PRSS23: variants seen among roughly 807,000 people sequenced by gnomAD.
The protein encoded by PRSS23 is protease, serine 23.
A neutral mutation model predicts 34.7 loss-of-function variants in PRSS23; 25 were observed. The ratio of observed to expected loss-of-function variants is 0.72; its 90% CI spans 0.53 to 1.01. The LOEUF (loss-of-function observed/expected upper bound fraction) is 1.01, where lower values mean the gene tolerates loss of function less well. Among genes scored for constraint, PRSS23 ranks in the 50% least tolerant of loss-of-function variants. The pLI is 0.00. For synonymous variants in PRSS23, 176 were observed against 186.6 expected, an observed-to-expected ratio of 0.94 and a Z score of 0.46; for missense variants, 445 against 475.6, an observed-to-expected ratio of 0.94 and a Z score of 0.60.
chr11:86,945,364 C>CAAA lies in PRSS23; in HGVS notation c.207-5840_207-5838dup, dbSNP rs58204343. 6.3e-3 allele frequency among the ~76,000 whole-genome samples: 835 copies of CAAA among 133,214 alleles called. 4 individuals are homozygous for CAAA. Among genetic ancestry groups the CAAA allele is most frequent in the African/African-American group, 0.021 (791 of 36,792 alleles). 87.4% of individuals were successfully genotyped at this position (133,214 alleles called of 152,430 possible). A position where few individuals can be genotyped will look rare whatever the true frequency, so the allele number is the denominator to read the frequency against. On this transcript the variant is annotated intron_variant, in intron 2 of 2. Coordinates refer to the PRSS23 transcript ENST00000533902. ...AGACAGCCATATGCACTGAAAATGC[C>CAAA]AAAAAAAAAAAAAAGAGGTGTCATT...
chr11:86,812,971 A>G (rs778014561), downstream of PRSS23, among the ~76,000 whole-genome samples: 14 of 151,970 alleles, frequency 9.2e-5, no homozygotes, highest in Non-Finnish European at 1.9e-4. Flanking sequence ...AAACCCTCCT[A>G]TATGATTTAA....
rs1949198495 is a variant in PRSS23 at position 86,940,294 on chromosome 11, T to C, written c.207-10922T>C. ...CGTTATTTATCTTTAGTTTGCAACGTAGGGGTGTGCTGTATCGGGTGTGCA... is the reference window on the plus strand; with the variant it reads ...CGTTATTTATCTTTAGTTTGCAACGCAGGGGTGTGCTGTATCGGGTGTGCA... On this transcript the variant is annotated intron_variant, in intron 2 of 2. Transcript: ENST00000533902. Among the ~76,000 whole-genome samples the C allele has an allele frequency of 3.3e-5, 5 of 152,298 alleles. No homozygotes were observed. In the South Asian group the frequency reaches 1.0e-3, roughly 32 times the overall value.
At chr11:86,880,746 T>G (rs908869854) in intron 2 of PRSS23, among the ~76,000 whole-genome samples, 27 of 152,170 alleles carry the variant, frequency 1.8e-4, no homozygotes, top group Non-Finnish European at 3.2e-4. Flanking sequence ...ACATGCAGCA[T>G]TTGGTTTTCT....
intron 2 of PRSS23, among the ~76,000 whole-genome samples, chr11:86,932,100 G>A (rs1949130067): frequency 6.6e-6 from 1 of 152,148 alleles, no homozygotes; most frequent in African/African-American, 2.4e-5. Flanking sequence ...CAGTCCCATT[G>A]TTTGCAATGA....
chr11:86,894,166 AC>A (rs770058537), intron 2 of PRSS23, among the ~76,000 whole-genome samples: 8 of 152,170 alleles, frequency 5.3e-5, no homozygotes, highest in Admixed American at 1.3e-4. Flanking sequence ...GACATGTGCC[AC>A]CACGCCTGGC....
chr11:86,902,035 A>G (rs945022893), intron 2 of PRSS23, among the ~76,000 whole-genome samples: 2 of 152,110 alleles, frequency 1.3e-5, no homozygotes, highest in Admixed American at 6.6e-5. Flanking sequence ...CCTGGAGCCT[A>G]GAATGGTGCT....
At chr11:86,951,297 C>T (rs752990226) in exon 3 of PRSS23, 2 of 1,614,120 alleles carry the variant, frequency 1.2e-6, no homozygotes, top group South Asian at 2.2e-5. Flanking sequence ...GTGATGCCCA[C>T]CAACAAAGAC....
intron 2 of PRSS23, among the ~76,000 whole-genome samples, chr11:86,931,965 A>G (rs937270646): frequency 6.6e-6 from 1 of 152,196 alleles, no homozygotes; most frequent in Admixed American, 6.5e-5. Flanking sequence ...GCAAACAATA[A>G]AACTTCATGC....
intron 2 of PRSS23, chr11:86,937,424 C>CTT (rs1295699599): frequency 6.6e-6 from 1 of 152,240 alleles, no homozygotes; most frequent in East Asian, 1.9e-4. Flanking sequence ...TAAAATAAGG[C>CTT]TGAGACCTAC....
chr11:86,794,858 C>A (rs1248119964), intron 1 of PRSS23, among the ~76,000 whole-genome samples: 14 of 151,290 alleles, frequency 9.3e-5, no homozygotes, highest in Non-Finnish European at 1.9e-4. Context: ...GTGATTTTGC[C>A]CTAAAAAAAC....
intron 2 of PRSS23, among the ~76,000 whole-genome samples, chr11:86,881,542 T>C (rs1349935964): frequency 6.6e-6 from 1 of 152,212 alleles, no homozygotes; most frequent in African/African-American, 2.4e-5. Context: ...TCATAAGAGA[T>C]ACTGCTCTAT....
At position 86,891,175 on chromosome 11, in the gene PRSS23, A is replaced by G. The variant is rs562642607; in HGVS notation, c.207-60041A>G. On this transcript the variant is annotated intron_variant, in intron 2 of 2. Coordinates refer to the PRSS23 transcript ENST00000533902. ...AGACATTTACAGCCGGCTCTCCACC[A>G]CTGGACTGAAGCAGAACAGCGAGGT... Among the ~76,000 whole-genome samples the G allele has an allele frequency of 2.6e-5, 4 of 152,258 alleles. No homozygotes were observed. In the East Asian group the frequency reaches 7.7e-4, roughly 29 times the overall value.
chr11:86,873,189 C>CAT (rs1284083832), intron 2 of PRSS23, among the ~76,000 whole-genome samples: 5 of 140,910 alleles, frequency 3.5e-5, no homozygotes, highest in Non-Finnish European at 6.0e-5. Context: ...TATATATATA[C>CAT]ATATATATAC....
At chr11:86,837,350 G>A (rs1374747932) in intron 2 of PRSS23, 1 of 152,238 alleles carries the variant, frequency 6.6e-6, no homozygotes, top group Non-Finnish European at 1.5e-5. Flanking sequence ...ATTTCCAGAT[G>A]CCAGTTATGT....
At chr11:86,929,826 T>C (rs1949111500) in intron 2 of PRSS23, among the ~76,000 whole-genome samples, 1 of 152,180 alleles carries the variant, frequency 6.6e-6, no homozygotes, top group Non-Finnish European at 1.5e-5. Flanking sequence ...AGATCATTTA[T>C]AGAGTGGACC....
chr11:86,914,716 C>T (rs1036606625), intron 2 of PRSS23, among the ~76,000 whole-genome samples: 4 of 152,164 alleles, frequency 2.6e-5, no homozygotes, highest in African/African-American at 9.7e-5. Flanking sequence ...AATCATTGCA[C>T]ATATAAAAAC....
At chr11:86,896,715 A>G (rs1018097651) in intron 2 of PRSS23, among the ~76,000 whole-genome samples, 1 of 152,250 alleles carries the variant, frequency 6.6e-6, no homozygotes, top group African/African-American at 2.4e-5. Flanking sequence ...CTAATCTTAC[A>G]CAAGGATTGA....
chr11:86,871,401 C>T (rs1173212079), intron 2 of PRSS23, among the ~76,000 whole-genome samples: 1 of 152,124 alleles, frequency 6.6e-6, no homozygotes, highest in African/African-American at 2.4e-5. Context: ...TCTTTTAGGC[C>T]TTGTGTAGTC....
chr11:86,798,543 C>T (rs932020913), upstream of PRSS23, among the ~76,000 whole-genome samples: 1 of 152,194 alleles, frequency 6.6e-6, no homozygotes, highest in Non-Finnish European at 1.5e-5. Flanking sequence ...AAGGTACTGA[C>T]GCCTCAGCTG....
Sources: gnomAD v4.1 joint callset for allele counts (sites outside exome capture counted in the v4.1 genomes callset) on GRCh38, gnomAD v4.1.1 for gene constraint, MANE v1.5 for transcripts, NCBI Gene and HGNC (gene_info 2026-07-23, HGNC 2026-07-21) for gene names.